Variants in DLC1 observed in about 807,000 individuals in gnomAD.
The protein encoded by DLC1 is rho GTPase-activating protein 7.
Under a neutral mutation model 140.3 loss-of-function variants are expected in DLC1, and 54 were observed. The ratio of observed to expected loss-of-function variants is 0.38; its 90% CI spans 0.31 to 0.48. The LOEUF (loss-of-function observed/expected upper bound fraction) is 0.48. Ranked by LOEUF, DLC1 falls within the 20% of genes least tolerant of loss-of-function variation. The probability of loss-of-function intolerance (pLI) is 0.96; values close to 1 mark genes in which losing one functional copy is unlikely to be tolerated. For missense variants in DLC1, 2,536 were observed against 1,907.0 expected (o/e 1.33, Z -6.14); for synonymous variants, 986 against 728.1 (o/e 1.35, Z -5.70).
intron 5 of DLC1, among the ~76,000 whole-genome samples, chr8:13,193,821 C>T (rs1405433468): frequency 6.6e-6 from 1 of 152,108 alleles, no homozygotes; most frequent in Non-Finnish European, 1.5e-5. Flanking sequence ...GGAAATCTGC[C>T]AGTACTCATT....
At chr8:13,324,964 GGTTA>G (rs1276794782) in intron 4 of DLC1, among the ~76,000 whole-genome samples, 1 of 152,108 alleles carries the variant, frequency 6.6e-6, no homozygotes, top group African/African-American at 2.4e-5. Context: ...TAATCCAAAT[GGTTA>G]GTTTGTTTGT....
chr8:13,491,182 A>G (rs1019259142), intron 2 of DLC1, among the ~76,000 whole-genome samples: 1 of 151,156 alleles, frequency 6.6e-6, no homozygotes, highest in African/African-American at 2.4e-5. Context: ...TCCCAACTTT[A>G]TGTCATTTTC....
intron 1 of DLC1, among the ~76,000 whole-genome samples, chr8:13,595,201 A>G (rs1805645073): frequency 6.6e-6 from 1 of 152,058 alleles, no homozygotes; most frequent in South Asian, 2.1e-4. Flanking sequence ...CTATTCCCAA[A>G]TGAAAGGCAC....
At chr8:13,563,712 A>G (rs1363025236) in intron 1 of DLC1, among the ~76,000 whole-genome samples, 1 of 152,234 alleles carries the variant, frequency 6.6e-6, no homozygotes, top group Non-Finnish European at 1.5e-5. Flanking sequence ...TGATTTCTGG[A>G]ATTTATCCTA....
intron 3 of DLC1, among the ~76,000 whole-genome samples, chr8:13,398,313 A>G (rs956554054): frequency 2.6e-5 from 4 of 152,014 alleles, no homozygotes; most frequent in African/African-American, 9.7e-5. Flanking sequence ...TCTTCTCCCT[A>G]TCCACTAACA....
chr8:13,189,207 C>T (rs1205217054), intron 5 of DLC1, among the ~76,000 whole-genome samples: 2 of 152,128 alleles, frequency 1.3e-5, no homozygotes, highest in Non-Finnish European at 2.9e-5. Flanking sequence ...AAAATAGCCT[C>T]TTCCTGTTAA....
intron 5 of DLC1, among the ~76,000 whole-genome samples, chr8:13,296,688 G>A (rs1831971730): frequency 6.6e-6 from 1 of 151,670 alleles, no homozygotes; most frequent in African/African-American, 2.4e-5. Flanking sequence ...TGGCATGCGG[G>A]GTGACAAAAA....
chr8:13,232,777 T>C (rs1829108271), intron 5 of DLC1, among the ~76,000 whole-genome samples: 1 of 152,228 alleles, frequency 6.6e-6, no homozygotes, highest in Non-Finnish European at 1.5e-5. Flanking sequence ...TAGACTCAAA[T>C]ACAAATCATT....
rs542462587 is a variant in DLC1, at chr8:13,535,161, A to T, written c.-125-34965T>A. On this transcript the variant is annotated intron_variant, in intron 1 of 1. Coordinates refer to the DLC1 transcript ENST00000631382. Reference sequence around the variant, plus strand: ...TTAACAGAAGACATTAAGAAAAAACATATATACTAATTAAGATGATAGTTG... The same window carrying T: ...TTAACAGAAGACATTAAGAAAAAACTTATATACTAATTAAGATGATAGTTG... 1.2e-4 allele frequency among the ~76,000 whole-genome samples: 19 copies of T among 152,330 alleles called. No homozygotes were observed. In the South Asian group the frequency reaches 3.5e-3, roughly 28 times the overall value.
intron 5 of DLC1, among the ~76,000 whole-genome samples, chr8:13,196,668 T>TG (rs1827078748): frequency 1.3e-5 from 2 of 152,362 alleles, no homozygotes; most frequent in Middle Eastern, 3.4e-3. Flanking sequence ...AGGGAAACCT[T>TG]GATCATCTGT....
intron 5 of DLC1, among the ~76,000 whole-genome samples, chr8:13,140,632 T>C (rs1202535942): frequency 6.6e-6 from 1 of 152,092 alleles, no homozygotes; most frequent in African/African-American, 2.4e-5. Context: ...CTTATACAAA[T>C]ATTTTTACTA....
intron 4 of DLC1, among the ~76,000 whole-genome samples, chr8:13,374,776 C>T (rs1004333296): frequency 2.6e-5 from 4 of 152,118 alleles, no homozygotes; most frequent in Non-Finnish European, 4.4e-5. Context: ...AGAGAGACTC[C>T]GTCTTGGGCA....
intron 5 of DLC1, among the ~76,000 whole-genome samples, chr8:13,124,187 G>C (rs1563646070): frequency 4.6e-5 from 7 of 152,186 alleles, no homozygotes; most frequent in African/African-American, 2.4e-5. Context: ...AGAGGAATGT[G>C]ATATGACATA....
chr8:13,208,054 T>G (rs902880582), intron 5 of DLC1, among the ~76,000 whole-genome samples: 1 of 152,186 alleles, frequency 6.6e-6, no homozygotes, highest in Admixed American at 6.6e-5. Flanking sequence ...TGATTTAAAA[T>G]CCATCTTATG....
chr8:13,209,085 A>T (rs1454338692), intron 5 of DLC1, among the ~76,000 whole-genome samples: 1 of 152,208 alleles, frequency 6.6e-6, no homozygotes, highest in Non-Finnish European at 1.5e-5. Context: ...AAGCCCGTAG[A>T]TGCCAGAAAA....
At chr8:13,379,411 C>T (rs67921515) in intron 4 of DLC1, among the ~76,000 whole-genome samples, 19,929 of 152,136 alleles carry the variant, frequency 0.13, 1,475 homozygotes, top group Non-Finnish European at 0.17. Context: ...ATTGAGCATC[C>T]TAGCTTAGCC....
intron 4 of DLC1, among the ~76,000 whole-genome samples, chr8:13,357,685 C>T (rs1436827521): frequency 6.6e-5 from 10 of 152,172 alleles, no homozygotes; most frequent in Admixed American, 5.9e-4. Context: ...TGAGTCAAAT[C>T]CCAATTCTTT....
chr8:13,359,232 C>T (rs1835104140), intron 4 of DLC1, among the ~76,000 whole-genome samples: 1 of 152,046 alleles, frequency 6.6e-6, no homozygotes, highest in Non-Finnish European at 1.5e-5. Flanking sequence ...GCCACCGCAC[C>T]CATCCTACAA....
At chr8:13,276,413 G>C (rs956925357) in intron 5 of DLC1, 4 of 1,460,814 alleles carry the variant, frequency 2.7e-6, no homozygotes, top group Non-Finnish European at 3.6e-6. Context: ...GCTCGCAGAC[G>C]CCTTCAGCGC....
Sources: allele counts gnomAD v4.1 joint callset (sites outside exome capture counted in the v4.1 genomes callset), GRCh38; gene constraint gnomAD v4.1.1; transcripts MANE v1.5; gene names NCBI Gene and HGNC (gene_info 2026-07-23, HGNC 2026-07-21).